Variants in NETO1 observed in about 807,000 individuals in gnomAD.
The protein encoded by NETO1 is neuropilin and tolloid like 1.
NETO1 carries 26 observed loss-of-function variants against 61.3 expected under a neutral mutation model. The ratio of observed to expected loss-of-function variants is 0.42; its 90% CI spans 0.31 to 0.59. NETO1 has a LOEUF of 0.59. Among genes scored for constraint, NETO1 ranks in the 20% least tolerant of loss-of-function variants. NETO1 has a pLI of 0.12. For synonymous variants in NETO1, 225 were observed against 225.8 expected (o/e 1.00, Z 0.03); for missense variants, 531 against 662.8 (o/e 0.80, Z 2.18).
intron 7 of NETO1, among the ~76,000 whole-genome samples, chr18:72,775,507 G>A (rs1051432415): frequency 1.3e-5 from 2 of 152,072 alleles, no homozygotes; most frequent in African/African-American, 4.8e-5. Context: ...TAATACTTGA[G>A]AGCCATGTGA....
At position 72,749,004 on chromosome 18, in the gene NETO1, A is replaced by G. The variant is rs373883634; in HGVS notation, c.*14+10T>C. 4 of 1,580,760 alleles carry G rather than the reference A, an allele frequency of 2.5e-6. No individual in the cohort carries two copies. Among genetic ancestry groups the G allele is most frequent in the African/African-American group, 2.7e-5 (2 of 74,260 alleles). ...CAAAGTAGGAAAAGGAACCAAGGGC[A>G]TCTGCTTACCTTGAATTTTCTTTCT... On this transcript the variant is annotated intron_variant, in intron 10 of 10. Coordinates refer to ENST00000327305, the MANE Select transcript of NETO1 (RefSeq NM_138966.5).
At chr18:72,760,986 T>G (rs1183418409) in intron 7 of NETO1, among the ~76,000 whole-genome samples, 3 of 152,118 alleles carry the variant, frequency 2.0e-5, no homozygotes, top group African/African-American at 7.2e-5. Context: ...GACAAAAGAA[T>G]GTTACCTGTT....
At chr18:72,756,797 A>AATGC (rs1392702879) in intron 7 of NETO1, among the ~76,000 whole-genome samples, 17 of 152,134 alleles carry the variant, frequency 1.1e-4, no homozygotes, top group African/African-American at 4.1e-4. Flanking sequence ...TCCAGATTAC[A>AATGC]ATGCACATTG....
At chr18:72,764,730 A>G (rs947649001) in intron 7 of NETO1, among the ~76,000 whole-genome samples, 2 of 152,148 alleles carry the variant, frequency 1.3e-5, no homozygotes, top group African/African-American at 4.8e-5. Flanking sequence ...AAGCAAAATG[A>G]TTATCACCCT....
At chr18:72,855,882 C>T (rs575258727) in intron 4 of NETO1, among the ~76,000 whole-genome samples, 1 of 152,266 alleles carries the variant, frequency 6.6e-6, no homozygotes, top group East Asian at 1.9e-4. Context: ...ATGAAATATG[C>T]ATGCTATACA....
At position 72,783,803 on chromosome 18, in the gene NETO1, G is replaced by A; in HGVS notation, c.743C>T (p.Ala248Val). ...ATTAGCCACAGTGCTACAGAACTTAGCTTTCAAATCCTCCACGGAACTGCT... is the reference window on the plus strand; with the variant it reads ...ATTAGCCACAGTGCTACAGAACTTAACTTTCAAATCCTCCACGGAACTGCT... Reference protein sequence around the residue: ...DGSSSVEDLKAKFCSTVANDV... With the variant: ...DGSSSVEDLKVKFCSTVANDV... The change falls in exon 7 of 11, where the codon GCT (alanine) becomes GTT (valine). Residue 248 changes from alanine (A) to valine (V), a missense_variant. Transcript: ENST00000327305. 1 of 1,614,148 alleles carries A rather than the reference G, an allele frequency of 6.2e-7. No homozygotes were observed. The highest frequency in any genetic ancestry group is 8.5e-7 in the Non-Finnish European group (1 of 1,180,014).
intron 2 of NETO1, 63 bp downstream of exon 2, chr18:72,865,125 G>C (rs1015247350): frequency 2.0e-6 from 3 of 1,503,450 alleles, no homozygotes; most frequent in African/African-American, 2.8e-5. Flanking sequence ...AACAGTAGGA[G>C]GAAAATAGGA....
At chr18:72,867,058 G>A (rs1414784543) in intron 1 of NETO1, 19 of 467,718 alleles carry the variant, frequency 4.1e-5, no homozygotes, top group Non-Finnish European at 6.6e-5. Context: ...GCAGGTTTTG[G>A]GATCCGGCGA....
At chr18:72,766,574 C>A (rs1427029938) in intron 7 of NETO1, among the ~76,000 whole-genome samples, 1 of 151,948 alleles carries the variant, frequency 6.6e-6, no homozygotes, top group Non-Finnish European at 1.5e-5. Context: ...TCCAATATGA[C>A]TTTTACTTTG....
chr18:72,865,657 G>A, intron 1 of NETO1: 1 of 1,575,472 alleles, frequency 6.3e-7, no homozygotes. Context: ...CAAACAATGA[G>A]AACAGCTCCA....
chr18:72,784,978 A>G (rs1351354462), intron 6 of NETO1, among the ~76,000 whole-genome samples: 1 of 152,240 alleles, frequency 6.6e-6, no homozygotes, highest in East Asian at 1.9e-4. Context: ...AGTGGAAATT[A>G]TATAAAGCCA....
chr18:72,765,484 T>G (rs942991668), intron 7 of NETO1, among the ~76,000 whole-genome samples: 9 of 152,232 alleles, frequency 5.9e-5, no homozygotes, highest in African/African-American at 2.2e-4. Flanking sequence ...AGTGGCATGA[T>G]CTCAGCTCAC....
chr18:72,846,070 C>T (rs891981284), intron 4 of NETO1, among the ~76,000 whole-genome samples: 5 of 151,902 alleles, frequency 3.3e-5, no homozygotes, highest in African/African-American at 1.2e-4. Context: ...GAAACTGTAT[C>T]TGGATTTTTT....
intron 7 of NETO1, among the ~76,000 whole-genome samples, chr18:72,777,482 C>A (rs112575311): frequency 0.037 from 5,642 of 151,018 alleles, 173 homozygotes; most frequent in Middle Eastern, 0.069. Flanking sequence ...TGGCTCATGC[C>A]TGTAATCCCA....
chr18:72,850,845 G>A (rs189317834), intron 4 of NETO1, among the ~76,000 whole-genome samples: 1 of 152,158 alleles, frequency 6.6e-6, no homozygotes, highest in Non-Finnish European at 1.5e-5. Flanking sequence ...TCGACATAGA[G>A]GTAACCTTAG....
rs914998475 is a variant in NETO1, at chr18:72,748,117, A to G, written c.*62T>C. On this transcript the variant is annotated 3_prime_UTR_variant, in exon 11 of 11. Coordinates refer to ENST00000327305, the MANE Select transcript of NETO1 (RefSeq NM_138966.5). ...ATATGTCCACTTTTCACAATTCACT[A>G]TAGAATTTTCTTTTCACAGTCCCCA... 6.2e-6 allele frequency: 6 copies of G among 971,224 alleles called. No homozygotes were observed. Among genetic ancestry groups the G allele is most frequent in the Non-Finnish European group, 7.3e-6 (6 of 816,706 alleles). 60.2% of individuals were successfully genotyped at this position (971,224 alleles called of 1,614,324 possible).
chr18:72,790,312 C>T (rs116980968), intron 6 of NETO1, among the ~76,000 whole-genome samples: 2 of 151,936 alleles, frequency 1.3e-5, no homozygotes, highest in Non-Finnish European at 2.9e-5. Flanking sequence ...TAAATATAAA[C>T]AAGTATTATT....
At chr18:72,797,428 A>T (rs2072354143) in intron 4 of NETO1, among the ~76,000 whole-genome samples, 1 of 152,240 alleles carries the variant, frequency 6.6e-6, no homozygotes, top group African/African-American at 2.4e-5. Context: ...TGGATGGGCC[A>T]TATGACCTGC....
downstream of NETO1, among the ~76,000 whole-genome samples, chr18:72,743,366 A>G (rs2070370658): frequency 6.6e-6 from 1 of 152,162 alleles, no homozygotes; most frequent in Non-Finnish European, 1.5e-5. Flanking sequence ...TTATTCACAA[A>G]GCCTCTCTTG....
Sources: allele counts gnomAD v4.1 joint callset (sites outside exome capture counted in the v4.1 genomes callset), GRCh38; gene constraint gnomAD v4.1.1; transcripts MANE v1.5; gene names NCBI Gene and HGNC (gene_info 2026-07-23, HGNC 2026-07-21).